PTPRK: variants seen among roughly 807,000 people sequenced by gnomAD.
PTPRK encodes protein tyrosine phosphatase receptor type K, also known as receptor-type tyrosine-protein phosphatase kappa.
A neutral mutation model predicts 178.0 loss-of-function variants in PTPRK; 75 were observed. The observed-to-expected ratio is 0.42, with a 90% CI of 0.35 to 0.51. PTPRK has a LOEUF of 0.51. Among genes scored for constraint, PTPRK ranks in the 20% least tolerant of loss-of-function variants. The pLI, the probability that PTPRK is intolerant of heterozygous loss-of-function variation, is 0.02. For missense variants in PTPRK, 1,441 were observed against 1,797.8 expected, an observed-to-expected ratio of 0.80 and a Z score of 3.59; for synonymous variants, 637 against 620.6, an observed-to-expected ratio of 1.03 and a Z score of -0.39.
At chr6:128,041,342 A>G (rs1777132255) in intron 13 of PTPRK, among the ~76,000 whole-genome samples, 3 of 152,088 alleles carry the variant, frequency 2.0e-5, no homozygotes, top group African/African-American at 7.2e-5. Context: ...TCTTTGAAGT[A>G]ATCCACATTT....
intron 8 of PTPRK, among the ~76,000 whole-genome samples, chr6:128,088,327 G>A (rs543641454): frequency 1.2e-4 from 18 of 151,192 alleles, no homozygotes; most frequent in East Asian, 3.9e-4. Context: ...GCAGTGAGCC[G>A]AGTCGAGCCA....
rs776869753 is a variant in PTPRK, at chr6:128,067,768, T to C, written c.1908A>G (p.Glu636=). 1.2e-6 allele frequency: 2 copies of C among 1,607,522 alleles called. No homozygotes were observed. Among genetic ancestry groups the C allele is most frequent in the South Asian group, 2.2e-5 (2 of 90,228 alleles). Residue 636 remains glutamate, a synonymous_variant, in exon 12 of 30, where the codon GAA becomes GAG. Transcript: ENST00000368226. ...CTCTCTTGGTTCGGTGTGGGTGCAG[T>C]TCTTCCACAACAATCTGATAAGCAC... ...PISAYQIVVE[E]LHPHRTKREA... is the part of the protein sequence containing the mutation.
chr6:128,248,035 T>C (rs879601640), intron 3 of PTPRK, among the ~76,000 whole-genome samples: 1 of 152,176 alleles, frequency 6.6e-6, no homozygotes, highest in Non-Finnish European at 1.5e-5. Context: ...TCAAAACCTA[T>C]TTCTAAATAT....
chr6:127,996,604 C>T (rs1233363267), intron 17 of PTPRK, among the ~76,000 whole-genome samples: 6 of 152,004 alleles, frequency 3.9e-5, no homozygotes, highest in Admixed American at 3.9e-4. Context: ...CCTGATTAAC[C>T]AGGATTACAG....
At chr6:128,369,947 C>T (rs896899739) in intron 2 of PTPRK, among the ~76,000 whole-genome samples, 16 of 150,326 alleles carry the variant, frequency 1.1e-4, no homozygotes, top group Non-Finnish European at 1.9e-4. Flanking sequence ...CCATTCAAAA[C>T]TTGAAACCAT....
At chr6:128,003,364 C>T (rs1778059247) in intron 15 of PTPRK, 1 of 891,186 alleles carries the variant, frequency 1.1e-6, no homozygotes, top group African/African-American at 1.7e-5. Flanking sequence ...CTGTATTCTG[C>T]AAATGTAAAA....
intron 7 of PTPRK, among the ~76,000 whole-genome samples, chr6:128,180,316 A>C (rs1273196786): frequency 6.6e-6 from 1 of 152,076 alleles, no homozygotes; most frequent in Non-Finnish European, 1.5e-5. Context: ...AAAAAAAAGC[A>C]AGCATACTTT....
chr6:128,354,231 G>GATT (rs1562341681), intron 2 of PTPRK, among the ~76,000 whole-genome samples: 1 of 49,358 alleles, frequency 2.0e-5, no homozygotes, highest in African/African-American at 9.4e-5. Context: ...TTTTGTTTAT[G>GATT]TTTTTTTTTT....
At chr6:128,237,746 G>A (rs545530001) in intron 5 of PTPRK, among the ~76,000 whole-genome samples, 10 of 152,234 alleles carry the variant, frequency 6.6e-5, no homozygotes, top group Admixed American at 1.3e-4. Context: ...GTTATTCTAC[G>A]TGAAATGAAA....
chr6:128,173,807 A>C (rs1283716698), intron 7 of PTPRK, among the ~76,000 whole-genome samples: 7 of 151,986 alleles, frequency 4.6e-5, no homozygotes, highest in Non-Finnish European at 8.8e-5. Flanking sequence ...GCTTAGACTG[A>C]AGTAGCAGCC....
At chr6:128,064,088 C>T (rs1781338089) in intron 13 of PTPRK, among the ~76,000 whole-genome samples, 1 of 152,156 alleles carries the variant, frequency 6.6e-6, no homozygotes, top group Non-Finnish European at 1.5e-5. Flanking sequence ...AATCAAGTAA[C>T]TCTTAAATGA....
intron 1 of PTPRK, among the ~76,000 whole-genome samples, chr6:128,507,043 T>C (rs1383505582): frequency 1.3e-5 from 2 of 152,114 alleles, no homozygotes; most frequent in Non-Finnish European, 2.9e-5. Context: ...CTTTCCCATT[T>C]TGAATATGTG....
chr6:128,360,683 T>TATGTTGATATGATGC lies in PTPRK; in HGVS notation c.223+36882_223+36883insGCATCATATCAACAT, dbSNP rs1475971769. Among the ~76,000 whole-genome samples, 205 of 152,296 alleles carry TATGTTGATATGATGC rather than the reference T, an allele frequency of 1.3e-3. No individual in the cohort carries two copies. In the Middle Eastern group the frequency reaches 0.014, roughly 10 times the overall value. On this transcript the variant is annotated intron_variant, in intron 2 of 29. Transcript: ENST00000368226. ...ATCCAGGACCTAATGTGTGACTCCCTTCATGTTGATATGAGCATCAATTAA... is the reference window on the plus strand; with the variant it reads ...ATCCAGGACCTAATGTGTGACTCCCTATGTTGATATGATGCTCATGTTGATATGAGCATCAATTAA...
intron 3 of PTPRK, among the ~76,000 whole-genome samples, chr6:128,301,689 C>T (rs1825634231): frequency 6.6e-6 from 1 of 152,110 alleles, no homozygotes; most frequent in Non-Finnish European, 1.5e-5. Context: ...AAATGCACAT[C>T]TACTTATCAC....
At chr6:128,259,561 G>A (rs890680809) in intron 3 of PTPRK, among the ~76,000 whole-genome samples, 1 of 152,066 alleles carries the variant, frequency 6.6e-6, no homozygotes, top group Admixed American at 6.6e-5. Flanking sequence ...AAAGCAGAAG[G>A]TGAGATTATG....
intron 1 of PTPRK, among the ~76,000 whole-genome samples, chr6:128,470,695 C>T (rs777745175): frequency 1.4e-5 from 2 of 145,936 alleles, no homozygotes; most frequent in Non-Finnish European, 3.0e-5. Context: ...TCTTAACATA[C>T]AGATTTTACA....
Position 127,998,816 on chromosome 6 carries a change from T to C in PTPRK, c.2583A>G (p.Thr861=), listed in dbSNP as rs779426125. Residue 861 remains threonine (T), a synonymous_variant, in exon 16 of 30, where the codon ACA becomes ACG. Transcript: ENST00000368226. ...CCCTGATGGCTGGATGCAGCTGTCC[T>C]GTCTGGTAAGGGGATTCCGTCCCCT... is the stretch of plus-strand genomic sequence containing the variant. ...LCEGTESPYQ[T]GQLHPAIRVA... 22 of 1,610,880 alleles carry C rather than the reference T, an allele frequency of 1.4e-5. No individual in the cohort carries two copies. The highest frequency in any genetic ancestry group is 1.9e-5 in the Non-Finnish European group (22 of 1,178,022).
At position 128,077,668 on chromosome 6, in the gene PTPRK, CTTCA is replaced by C. The variant is rs142540495; in HGVS notation, c.1883+1141_1883+1144del. ...GAAGTGCCTACGTGGATTTCTGTGCCTTCATTTATTTCTCATTAGAAGTTTGATA... is the reference window on the plus strand; with the variant it reads ...GAAGTGCCTACGTGGATTTCTGTGCCTTTATTTCTCATTAGAAGTTTGATA... On this transcript the variant is annotated intron_variant, in intron 11 of 29. Coordinates refer to ENST00000368226, the MANE Select transcript of PTPRK (RefSeq NM_002844.4). Among the ~76,000 whole-genome samples the C allele has an allele frequency of 1.4e-3, 213 of 152,048 alleles. 1 individual carries two copies. Among genetic ancestry groups the C allele is most frequent in the African/African-American group, 4.9e-3 (203 of 41,506 alleles).
intron 27 of PTPRK, among the ~76,000 whole-genome samples, chr6:127,976,242 T>C (rs1212318303): frequency 6.6e-6 from 1 of 152,198 alleles, no homozygotes. Context: ...CATGTCTCTT[T>C]CCTCCTGCAG....
Sources: allele counts gnomAD v4.1 joint callset (sites outside exome capture counted in the v4.1 genomes callset), GRCh38; gene constraint gnomAD v4.1.1; transcripts MANE v1.5; gene names NCBI Gene and HGNC (gene_info 2026-07-23, HGNC 2026-07-21).